The following PMP2 variants were observed in gnomAD, a reference collection of about 807,000 sequenced individuals.
The protein encoded by PMP2 is peripheral myelin protein 2.
In PMP2, 11 loss-of-function variants were observed where a neutral mutation model predicts 15.9. That is an observed-to-expected ratio of 0.69 (90% CI 0.44 to 1.14). The LOEUF (loss-of-function observed/expected upper bound fraction) is 1.14, where lower values mean the gene tolerates loss of function less well. Among genes scored for constraint, PMP2 ranks in the 50% most tolerant of loss-of-function variants. The pLI, the probability that PMP2 is intolerant of heterozygous loss-of-function variation, is 0.00. For synonymous variants in PMP2, 55 were observed against 54.1 expected, an observed-to-expected ratio of 1.02 and a Z score of -0.07; for missense variants, 151 against 154.0, an observed-to-expected ratio of 0.98 and a Z score of 0.10.
At position 81,440,735 on chromosome 8, in the gene PMP2, T is replaced by G. The variant is rs1470611413; in HGVS notation, c.*2663A>C. 1 of 152,220 alleles carries G rather than the reference T, an allele frequency of 6.6e-6. No homozygotes were observed. Among genetic ancestry groups the G allele is most frequent in the Non-Finnish European group, 1.5e-5 (1 of 68,026 alleles). The allele number at this position is 152,220 out of a possible 1,614,324, so 9.4% of individuals were successfully genotyped here. A position where few individuals can be genotyped will look rare whatever the true frequency, so the allele number is the denominator to read the frequency against. On this transcript the variant is annotated 3_prime_UTR_variant, in exon 4 of 4. Transcript: ENST00000256103. The stretch of plus-strand genomic sequence containing the variant: ...ATTGTTAAATGTTACCTTATTTGCC[T>G]TATCAATTGCTCTCTTTATGTATGT...
rs745714595 is a variant in PMP2 at position 81,444,533 on chromosome 8, T to C, written c.315A>G (p.Ile105Met). The change falls in exon 3 of 4, where the codon ATA becomes ATG. Residue 105 changes from isoleucine (I) to methionine (M), a missense_variant. Ile to Met is a conservative substitution (Grantham distance 10). Transcript: ENST00000256103. Reference protein sequence around the residue: ...VQRWDGKETTIKRKLVNGKMV... With the variant: ...VQRWDGKETTMKRKLVNGKMV... ...TTTTCCCATTCACTAGCTTTCTCTT[T>C]ATGGTTGTCTCTTTGCCATCCCATC... 1.2e-6 allele frequency: 2 copies of C among 1,613,782 alleles called. No homozygotes were observed. The highest frequency in any genetic ancestry group is 2.2e-5 in the South Asian group (2 of 91,038).
intron 1 of PMP2, among the ~76,000 whole-genome samples, chr8:81,446,055 T>C (rs1807444861): frequency 6.6e-6 from 1 of 152,226 alleles, no homozygotes; most frequent in Non-Finnish European, 1.5e-5. Flanking sequence ...TCTCAATGGT[T>C]GAATAACTTT....
chr8:81,447,233 T>C, intron 1 of PMP2, 81 bp downstream of exon 1: 1 of 1,009,952 alleles, frequency 9.9e-7, no homozygotes, highest in Non-Finnish European at 1.6e-6. Context: ...CCCAGTATCC[T>C]GTTAAAAGTA....
intron 2 of PMP2, 93 bp from the exon 3 acceptor site, chr8:81,444,694 A>G (rs1807413932): frequency 1.5e-6 from 2 of 1,330,384 alleles, no homozygotes; most frequent in Admixed American, 3.7e-5. Flanking sequence ...TAATAGATAT[A>G]GATGTCTCAG....
intron 1 of PMP2, 87 bp from the exon 2 acceptor site, chr8:81,445,076 G>T: frequency 1.9e-6 from 2 of 1,080,878 alleles, no homozygotes; most frequent in Non-Finnish European, 2.7e-6. Context: ...GCTCAGTGGT[G>T]CCCCAGGTGA....
In PMP2 at chr8:81,444,823, C is replaced by T; in HGVS notation, c.240G>A (p.Lys80=). The T allele has an allele frequency of 1.2e-6, 2 of 1,612,822 alleles. No individual in the cohort carries two copies. Among genetic ancestry groups the T allele is most frequent in the African/African-American group, 1.3e-5 (1 of 74,818 alleles). The change falls in exon 2 of 4, where the codon AAG becomes AAA. Residue 80 remains lysine (K), a synonymous_variant. Coordinates refer to ENST00000256103, the MANE Select transcript of PMP2 (RefSeq NM_002677.5). ...GAGAAACATTAAAGATTACCTTGGT[C>T]TTTCTATTGTCAGCTGTGGTTTCTT... ...EFEETTADNR[K]TKSIVTLQRG... is the part of the protein sequence containing the mutation.
In PMP2 at chr8:81,441,881, A is replaced by C. The variant is rs1409125126; in HGVS notation, c.*1517T>G. The C allele has an allele frequency of 1.9e-4, 29 of 151,422 alleles. No individual in the cohort carries two copies. The highest frequency in any genetic ancestry group is 1.9e-3 in the Admixed American group (29 of 15,186). The allele number at this position is 151,422 out of a possible 1,614,324, so 9.4% of individuals were successfully genotyped here. The stretch of plus-strand genomic sequence containing the variant: ...CCTTGCCCTTGCTTTGGAATCATCC[A>C]TTTTTCCAAGTAGCCTTGGTTCCTT... On this transcript the variant is annotated 3_prime_UTR_variant, in exon 4 of 4. Coordinates refer to ENST00000256103, the MANE Select transcript of PMP2 (RefSeq NM_002677.5).
At chr8:81,443,537 C>A in intron 3 of PMP2, 89 bp from the exon 4 acceptor site, 4 of 760,666 alleles carry the variant, frequency 5.3e-6, no homozygotes, top group Non-Finnish European at 6.5e-6. Context: ...AAAATAAACT[C>A]ATAAGATTAA....
chr8:81,443,259 T>C lies in PMP2; in HGVS notation c.*139A>G. ...ATAACACTGACTTTTAGATTAATTCTCAGTTTAGGCCTTTGCATATCTGAT... is the reference window on the plus strand; with the variant it reads ...ATAACACTGACTTTTAGATTAATTCCCAGTTTAGGCCTTTGCATATCTGAT... On this transcript the variant is annotated 3_prime_UTR_variant, in exon 4 of 4. Transcript: ENST00000256103. The C allele has an allele frequency of 1.8e-6, 1 of 541,314 alleles. No individual in the cohort carries two copies. 33.5% of individuals were successfully genotyped at this position (541,314 alleles called of 1,614,324 possible). A position where few individuals can be genotyped will look rare whatever the true frequency, so the allele number is the denominator to read the frequency against.
intron 3 of PMP2, among the ~76,000 whole-genome samples, chr8:81,444,201 C>T (rs764016555): frequency 3.0e-4 from 45 of 152,156 alleles, no homozygotes; most frequent in Non-Finnish European, 8.8e-5. Flanking sequence ...TTTAGACTTG[C>T]TTTCTTCTTT....
chr8:81,444,687 T>C, intron 2 of PMP2, 86 bp from the exon 3 acceptor site: 2 of 1,347,216 alleles, frequency 1.5e-6, no homozygotes, highest in Non-Finnish European at 2.1e-6. Flanking sequence ...ATTTTCATAA[T>C]AGATATAGAT....
intron 3 of PMP2, 129 bp from the exon 4 acceptor site, chr8:81,443,577 A>T: frequency 1.8e-6 from 1 of 544,520 alleles, no homozygotes; most frequent in Admixed American, 3.3e-5. Flanking sequence ...TCAGTATGTC[A>T]GTCTCCAGTA....
At position 81,441,167 on chromosome 8, in the gene PMP2, T is replaced by A. The variant is rs1807324309; in HGVS notation, c.*2231A>T. 6.6e-6 allele frequency: 1 copy of A among 151,988 alleles called. No homozygotes were observed. Among genetic ancestry groups the A allele is most frequent in the South Asian group, 2.1e-4 (1 of 4,770 alleles). The allele number at this position is 151,988 out of a possible 1,614,324, so 9.4% of individuals were successfully genotyped here. The stretch of plus-strand genomic sequence containing the variant: ...TTGTTGTTACAGTGATGTTGTTTCC[T>A]TCTCAGTGGGTCACATTTGAAGGCA... On this transcript the variant is annotated 3_prime_UTR_variant, in exon 4 of 4. Coordinates refer to ENST00000256103, the MANE Select transcript of PMP2 (RefSeq NM_002677.5).
intron 1 of PMP2, among the ~76,000 whole-genome samples, chr8:81,445,944 C>T (rs983564145): frequency 2.0e-5 from 3 of 151,902 alleles, no homozygotes; most frequent in African/African-American, 7.3e-5. Flanking sequence ...CAAAATTAGA[C>T]TCTTAAGTTT....
At chr8:81,444,667 G>T in intron 2 of PMP2, 66 bp from the exon 3 acceptor site, 2 of 1,424,694 alleles carry the variant, frequency 1.4e-6, no homozygotes, top group Non-Finnish European at 2.0e-6. Context: ...AGTTCTTTCA[G>T]TATGGAACCA....
chr8:81,444,636 A>C, intron 2 of PMP2, 35 bp from the exon 3 acceptor site: 1 of 1,560,390 alleles, frequency 6.4e-7, no homozygotes, highest in Middle Eastern at 1.7e-4. Flanking sequence ...GACTTGCCTG[A>C]AATTTGTTGA....
intron 1 of PMP2, among the ~76,000 whole-genome samples, chr8:81,445,256 G>A (rs1174198690): frequency 2.7e-5 from 4 of 150,074 alleles, no homozygotes; most frequent in Non-Finnish European, 4.4e-5. Flanking sequence ...ACGGAGTCTC[G>A]CTCTGTCGTC....
chr8:81,441,557 T>TCTATCTAC lies in PMP2; in HGVS notation c.*1840_*1841insGTAGATAG, dbSNP rs1554569876. The stretch of plus-strand genomic sequence containing the variant: ...ATCTATCTATCTATCTATCTATCTA[T>TCTATCTAC]CTATCTATATATCTATCTATCATCT... On this transcript the variant is annotated 3_prime_UTR_variant, in exon 4 of 4. Transcript: ENST00000256103. 4.0e-5 allele frequency: 6 copies of TCTATCTAC among 149,746 alleles called. No homozygotes were observed. Among genetic ancestry groups the TCTATCTAC allele is most frequent in the African/African-American group, 1.5e-4 (6 of 39,352 alleles). The allele number at this position is 149,746 out of a possible 1,614,324, so 9.3% of individuals were successfully genotyped here.
Position 81,447,394 on chromosome 8 carries a change from G to T in PMP2, c.-8C>A. 2 of 1,609,526 alleles carry T rather than the reference G, an allele frequency of 1.2e-6. No individual in the cohort carries two copies. Among genetic ancestry groups the T allele is most frequent in the Non-Finnish European group, 1.7e-6 (2 of 1,175,872 alleles). ...CAGGAATTTGTTGCTCATCGTGATGGGTGAGAGCTCAACACAGTTCTAAGT... is the reference window on the plus strand; with the variant it reads ...CAGGAATTTGTTGCTCATCGTGATGTGTGAGAGCTCAACACAGTTCTAAGT... On this transcript the variant is annotated 5_prime_UTR_variant, in exon 1 of 4. Coordinates refer to ENST00000256103, the MANE Select transcript of PMP2 (RefSeq NM_002677.5).
Sources: allele counts gnomAD v4.1 joint callset (sites outside exome capture counted in the v4.1 genomes callset), GRCh38; gene constraint gnomAD v4.1.1; transcripts MANE v1.5; gene names NCBI Gene and HGNC (gene_info 2026-07-23, HGNC 2026-07-21).